Variants in ZNF609 observed in about 807,000 individuals in gnomAD.
The protein encoded by ZNF609 is zinc finger protein 609.
Under a neutral mutation model 109.5 loss-of-function variants are expected in ZNF609, and 11 were observed. The observed-to-expected ratio is 0.10, with a 90% CI of 0.06 to 0.17. The LOEUF (loss-of-function observed/expected upper bound fraction) is 0.17. ZNF609 is among the 10% of genes least tolerant of loss of function. The pLI, the probability that ZNF609 is intolerant of heterozygous loss-of-function variation, is 1.00. For missense variants in ZNF609, 1,559 were observed against 1,772.4 expected, an observed-to-expected ratio of 0.88 and a Z score of 2.16; for synonymous variants, 646 against 662.0, an observed-to-expected ratio of 0.98 and a Z score of 0.37.
chr15:64,681,178 T>C (rs1347601232), intron 8 of ZNF609, 131 bp from the exon 9 acceptor site: 1 of 809,394 alleles, frequency 1.2e-6, no homozygotes, highest in East Asian at 2.4e-5. Flanking sequence ...AGAGCCTTAT[T>C]ATCTATCTCC....
intron 1 of ZNF609, among the ~76,000 whole-genome samples, chr15:64,463,136 A>G (rs1001061101): frequency 2.0e-5 from 3 of 152,174 alleles, no homozygotes; most frequent in African/African-American, 7.2e-5. Flanking sequence ...GGCACATGCC[A>G]GTGGTCCCAG....
intron 2 of ZNF609, among the ~76,000 whole-genome samples, chr15:64,594,950 C>T (rs970897135): frequency 1.7e-4 from 25 of 143,764 alleles, no homozygotes; most frequent in African/African-American, 5.2e-4. Flanking sequence ...GGCGTGAACC[C>T]GGGAAGTGGA....
At chr15:64,630,514 C>T (rs1423267461) in intron 3 of ZNF609, among the ~76,000 whole-genome samples, 3 of 152,126 alleles carry the variant, frequency 2.0e-5, no homozygotes, top group Non-Finnish European at 2.9e-5. Context: ...AAATTAGTAC[C>T]TCAAGTGGAA....
At chr15:64,486,042 CACCACAA>C (rs971058550) in intron 1 of ZNF609, among the ~76,000 whole-genome samples, 7 of 152,132 alleles carry the variant, frequency 4.6e-5, no homozygotes, top group Non-Finnish European at 7.4e-5. Flanking sequence ...ACAGCTCCAT[CACCACAA>C]ATGTCCCTCA....
intron 2 of ZNF609, among the ~76,000 whole-genome samples, chr15:64,524,063 GTTTTC>G (rs1366723801): frequency 1.1e-4 from 15 of 141,468 alleles, no homozygotes; most frequent in Non-Finnish European, 1.4e-4. Flanking sequence ...AATAATTCAT[GTTTTC>G]TTTTTTTTTT....
intron 2 of ZNF609, among the ~76,000 whole-genome samples, chr15:64,583,814 C>T (rs940764630): frequency 1.3e-5 from 2 of 152,094 alleles, no homozygotes; most frequent in African/African-American, 2.4e-5. Context: ...GGACTTTGAG[C>T]GATCTTCCTG....
At chr15:64,670,062 A>T (rs991593315) in intron 3 of ZNF609, among the ~76,000 whole-genome samples, 1 of 152,140 alleles carries the variant, frequency 6.6e-6, no homozygotes, top group South Asian at 2.1e-4. Context: ...TTGAGGCTGT[A>T]CTCCAGCCTG....
At chr15:64,667,236 C>G (rs1051440665) in intron 3 of ZNF609, among the ~76,000 whole-genome samples, 2 of 152,214 alleles carry the variant, frequency 1.3e-5, no homozygotes, top group African/African-American at 4.8e-5. Flanking sequence ...TTTTCTAACT[C>G]CATGTCCAGT....
chr15:64,681,602 C>T (rs1325664347), intron 9 of ZNF609, 90 bp from the exon 10 acceptor site: 1 of 426,036 alleles, frequency 2.3e-6, no homozygotes, highest in African/African-American at 2.0e-5. Context: ...GTACTGGCCA[C>T]TCCTACAATT....
intron 1 of ZNF609, among the ~76,000 whole-genome samples, chr15:64,489,134 G>T (rs1307971576): frequency 6.6e-6 from 1 of 150,478 alleles, no homozygotes; most frequent in African/African-American, 2.4e-5. Flanking sequence ...GAAAATTAAT[G>T]ATTTTACACA....
intron 3 of ZNF609, among the ~76,000 whole-genome samples, chr15:64,627,593 A>G (rs1895985609): frequency 6.7e-6 from 1 of 149,046 alleles, no homozygotes; most frequent in African/African-American, 2.5e-5. Context: ...GGCCTTAGTT[A>G]CCTCATCTCT....
intron 3 of ZNF609, among the ~76,000 whole-genome samples, chr15:64,650,021 G>C (rs1047043534): frequency 4.0e-5 from 6 of 151,376 alleles, no homozygotes; most frequent in Non-Finnish European, 7.4e-5. Context: ...GCATGTGCCA[G>C]TAAGTCCCAA....
At chr15:64,673,742 G>A (rs1418211011) in intron 4 of ZNF609, among the ~76,000 whole-genome samples, 174 bp from the exon 5 acceptor site, 2 of 152,204 alleles carry the variant, frequency 1.3e-5, no homozygotes, top group African/African-American at 4.8e-5. Context: ...TGCAGCTAAC[G>A]TGTATCCCAG....
intron 2 of ZNF609, among the ~76,000 whole-genome samples, chr15:64,524,361 C>T (rs980722356): frequency 6.6e-6 from 1 of 152,130 alleles, no homozygotes; most frequent in South Asian, 2.1e-4. Flanking sequence ...GTCAGGAGTT[C>T]GATACCAGCC....
At chr15:64,645,032 TCTTC>T (rs1567038008) in intron 3 of ZNF609, among the ~76,000 whole-genome samples, 1 of 130,550 alleles carries the variant, frequency 7.7e-6, no homozygotes, top group Admixed American at 7.4e-5. Context: ...TTCCTTCCTT[TCTTC>T]CTTCCTTTCT....
At chr15:64,513,316 C>G (rs911280259) in intron 2 of ZNF609, among the ~76,000 whole-genome samples, 1 of 152,184 alleles carries the variant, frequency 6.6e-6, no homozygotes, top group Non-Finnish European at 1.5e-5. Flanking sequence ...GGTAGAGTGT[C>G]TGTTTTAGAT....
rs1206436961 is a variant in ZNF609, at chr15:64,674,242, T to C, written c.1388T>C (p.Val463Ala). ...GAGGACTCCAAAGGGAGCAAGCGTG[T>C]CCGTACTAATTCCATGGGCTCAGCC... The part of the protein sequence containing the change: ...SSEDSKGSKR[V>A]RTNSMGSATG... The change falls in exon 5 of 10, where the codon GTC becomes GCC. Residue 463 changes from valine to alanine, a missense_variant. By Grantham distance (64) the Val-to-Ala change is moderately conservative (BLOSUM62 0). Transcript: ENST00000326648. 3 of 1,614,132 alleles carry C rather than the reference T, an allele frequency of 1.9e-6. No individual in the cohort carries two copies.
intron 3 of ZNF609, among the ~76,000 whole-genome samples, chr15:64,624,971 G>T (rs1005691844): frequency 6.6e-6 from 1 of 151,930 alleles, no homozygotes; most frequent in Non-Finnish European, 1.5e-5. Context: ...TGCTGGCCAC[G>T]CTGGTCTTGA....
intron 2 of ZNF609, among the ~76,000 whole-genome samples, chr15:64,518,941 A>T (rs1395224652): frequency 2.0e-5 from 3 of 152,124 alleles, no homozygotes; most frequent in Non-Finnish European, 4.4e-5. Context: ...GGATAATGTA[A>T]GCAAAATAGA....
Sources: gnomAD v4.1 joint callset for allele counts (sites outside exome capture counted in the v4.1 genomes callset) on GRCh38, gnomAD v4.1.1 for gene constraint, MANE v1.5 for transcripts, NCBI Gene and HGNC (gene_info 2026-07-23, HGNC 2026-07-21) for gene names.